HTR1D: variants seen among roughly 807,000 people sequenced by gnomAD.
HTR1D encodes 5-hydroxytryptamine receptor 1D, also known as 5-HT-1D.
In HTR1D, 18 loss-of-function variants were observed where a neutral mutation model predicts 21.1. The ratio of observed to expected loss-of-function variants is 0.85; its 90% CI spans 0.59 to 1.27. The LOEUF (loss-of-function observed/expected upper bound fraction) is 1.27. HTR1D is among the 50% of genes most tolerant of loss of function. HTR1D has a pLI of 0.00. For missense variants in HTR1D, 456 were observed against 481.4 expected (o/e 0.95, Z 0.49); for synonymous variants, 196 against 204.4 (o/e 0.96, Z 0.35).
Position 23,194,333 on chromosome 1 carries a change from C to T in HTR1D, c.-114G>A, listed in dbSNP as rs770034382. The T allele has an allele frequency of 2.2e-5, 19 of 857,010 alleles. No homozygotes were observed. Among genetic ancestry groups the T allele is most frequent in the South Asian group, 6.8e-5 (4 of 59,220 alleles). 53.1% of individuals were successfully genotyped at this position (857,010 alleles called of 1,614,324 possible). ...GCTTCACACTGGTGGGAGCCGTACA[C>T]CAGAACAGACCACAGTGAAAAGGTC... On this transcript the variant is annotated 5_prime_UTR_variant, in exon 2 of 2. It adds an upstream start codon to the 5' untranslated region. Coordinates refer to ENST00000374619, the MANE Select transcript of HTR1D (RefSeq NM_000864.5).
At chr1:23,201,605 A>G (rs1388342323) in intron 1 of HTR1D, among the ~76,000 whole-genome samples, 5 of 152,270 alleles carry the variant, frequency 3.3e-5, no homozygotes, top group Non-Finnish European at 7.4e-5. Context: ...GTTGGAGTGC[A>G]GTGGCATGAT....
intron 1 of HTR1D, among the ~76,000 whole-genome samples, chr1:23,204,912 A>T (rs949874697): frequency 1.3e-5 from 2 of 152,244 alleles, no homozygotes; most frequent in Admixed American, 1.3e-4. Flanking sequence ...CCAGAGGAAA[A>T]GAAGTCATTA....
intron 1 of HTR1D, among the ~76,000 whole-genome samples, chr1:23,214,155 A>G (rs543714404): frequency 6.6e-6 from 1 of 152,304 alleles, no homozygotes; most frequent in South Asian, 2.1e-4. Context: ...GGCTGGGTGC[A>G]ATGGCTCACG....
chr1:23,197,255 G>T (rs1234416596), intron 1 of HTR1D, among the ~76,000 whole-genome samples: 1 of 152,066 alleles, frequency 6.6e-6, no homozygotes, highest in Admixed American at 6.6e-5. Context: ...ACTTGGTTAG[G>T]AAGGCTAGGC....
At chr1:23,196,033 G>T (rs572269550) in intron 1 of HTR1D, among the ~76,000 whole-genome samples, 6 of 152,034 alleles carry the variant, frequency 3.9e-5, no homozygotes, top group African/African-American at 1.4e-4. Flanking sequence ...CAGAGGCAGG[G>T]TCTTGCTATG....
Position 23,193,263 on chromosome 1 carries a change from C to CA in HTR1D, c.956dup (p.Val320GlyfsTer20). On this transcript the variant is annotated frameshift_variant, in exon 2 of 2. Transcript: ENST00000374619. LOFTEE classifies it high-confidence loss of function. ...GGCAGATGGGGAGGACCAGAGACACCACGAAGAAGGGCAGCCAGCAGATGA... is the reference window on the plus strand; with the variant it reads ...GGCAGATGGGGAGGACCAGAGACACCAACGAAGAAGGGCAGCCAGCAGATGA... 1 of 1,614,090 alleles carries CA rather than the reference C, an allele frequency of 6.2e-7. No homozygotes were observed. Among genetic ancestry groups the CA allele is most frequent in the Non-Finnish European group, 8.5e-7 (1 of 1,180,024 alleles).
chr1:23,200,609 A>G (rs2148240085), intron 1 of HTR1D, among the ~76,000 whole-genome samples: 1 of 152,170 alleles, frequency 6.6e-6, no homozygotes. Flanking sequence ...CCTGGCCTCA[A>G]GTGATCCTTT....
At position 23,217,209 on chromosome 1, in the gene HTR1D, C is replaced by T. The variant is rs1012628640; in HGVS notation, c.-783+82G>A. 6.6e-6 allele frequency among the ~76,000 whole-genome samples: 1 copy of T among 151,856 alleles called. No individual in the cohort carries two copies. Reference sequence around the variant, plus strand: ...CGGGACGCCCCGGGCCCCCGAGGCCCCAGGAGGGGCGCCGCTCCCGGCCTC... The same window carrying T: ...CGGGACGCCCCGGGCCCCCGAGGCCTCAGGAGGGGCGCCGCTCCCGGCCTC... On this transcript the variant is annotated intron_variant, in intron 1 of 1. Coordinates refer to ENST00000374619, the MANE Select transcript of HTR1D (RefSeq NM_000864.5). The surrounding 1 kb of genome is among the most constrained non-coding windows in gnomAD (Gnocchi z 4.6).
chr1:23,197,806 G>A (rs1226012476), intron 1 of HTR1D, among the ~76,000 whole-genome samples: 1 of 152,114 alleles, frequency 6.6e-6, no homozygotes, highest in Non-Finnish European at 1.5e-5. Context: ...GGAGGCCCAG[G>A]TGGGAGGATC....
chr1:23,193,639 T>A lies in HTR1D; in HGVS notation c.581A>T (p.Gln194Leu). Residue 194 changes from glutamine to leucine, a missense_variant, in exon 2 of 2, where the codon CAG becomes CTG. Gln to Leu is a moderately radical substitution (Grantham distance 113). Coordinates refer to ENST00000374619, the MANE Select transcript of HTR1D (RefSeq NM_000864.5). ...EMSDCLVNTS[Q>L]ISYTIYSTCG... The stretch of plus-strand genomic sequence containing the variant: ...GGTGGAGTAGATGGTGTAGGAGATC[T>A]GAGAGGTGTTCACCAGACAGTCCGA... The A allele has an allele frequency of 6.2e-7, 1 of 1,613,884 alleles. No individual in the cohort carries two copies. The highest frequency in any genetic ancestry group is 8.5e-7 in the Non-Finnish European group (1 of 1,179,894).
chr1:23,212,864 T>C (rs1214506142), intron 1 of HTR1D, among the ~76,000 whole-genome samples: 6 of 151,476 alleles, frequency 4.0e-5, no homozygotes, highest in African/African-American at 1.5e-4. Flanking sequence ...TCTCACTCTG[T>C]TGTCTAGGCT....
intron 1 of HTR1D, among the ~76,000 whole-genome samples, chr1:23,214,807 C>T (rs995124531): frequency 5.3e-5 from 8 of 152,160 alleles, no homozygotes; most frequent in Admixed American, 5.2e-4. Flanking sequence ...GAGCCTAGAA[C>T]AGTGCCTGGC....
chr1:23,201,576 G>C (rs1644709257), intron 1 of HTR1D, among the ~76,000 whole-genome samples: 1 of 152,120 alleles, frequency 6.6e-6, no homozygotes, highest in South Asian at 2.1e-4. Context: ...AAGAGGCAGG[G>C]ACTTCCTCTG....
In HTR1D at chr1:23,216,330, C is replaced by T. The variant is rs986297663; in HGVS notation, c.-783+961G>A. 3.3e-4 allele frequency among the ~76,000 whole-genome samples: 50 copies of T among 152,228 alleles called. 1 individual carries two copies. Among genetic ancestry groups the T allele is most frequent in the Admixed American group, 1.2e-3 (19 of 15,284 alleles). Reference sequence around the variant, plus strand: ...GCCAGGGGCTGTGCTGAGTGACAATCCCATTAGATTTGTACAGTAAGCCTG... The same window carrying T: ...GCCAGGGGCTGTGCTGAGTGACAATTCCATTAGATTTGTACAGTAAGCCTG... On this transcript the variant is annotated intron_variant, in intron 1 of 1. Coordinates refer to ENST00000374619, the MANE Select transcript of HTR1D (RefSeq NM_000864.5).
chr1:23,209,537 C>G (rs1644745318), intron 1 of HTR1D, among the ~76,000 whole-genome samples: 1 of 152,008 alleles, frequency 6.6e-6, no homozygotes, highest in Non-Finnish European at 1.5e-5. Context: ...GAGGAGGGGT[C>G]ATAATGGCCC....
At chr1:23,216,133 T>G (rs1030582055) in intron 1 of HTR1D, among the ~76,000 whole-genome samples, 4 of 152,140 alleles carry the variant, frequency 2.6e-5, no homozygotes, top group African/African-American at 9.7e-5. Context: ...AATGTCCTTG[T>G]GAGGAGGGCT....
intron 1 of HTR1D, among the ~76,000 whole-genome samples, chr1:23,198,238 C>A (rs567393951): frequency 1.0e-4 from 15 of 150,046 alleles, no homozygotes; most frequent in African/African-American, 3.7e-4. Context: ...CAGTGGTGGG[C>A]GCCTGTAGTC....
intron 1 of HTR1D, among the ~76,000 whole-genome samples, chr1:23,202,820 G>C (rs1410786940): frequency 6.6e-6 from 1 of 152,108 alleles, no homozygotes; most frequent in African/African-American, 2.4e-5. Flanking sequence ...TACAGCCTCA[G>C]TTTTCTCCTC....
At chr1:23,198,941 C>T (rs1209413440) in intron 1 of HTR1D, among the ~76,000 whole-genome samples, 3 of 152,186 alleles carry the variant, frequency 2.0e-5, no homozygotes, top group Non-Finnish European at 2.9e-5. Flanking sequence ...CTGCAACCTC[C>T]ACCTCCCAGG....
Sources: gnomAD v4.1 joint callset for allele counts (sites outside exome capture counted in the v4.1 genomes callset) on GRCh38, gnomAD v4.1.1 for gene constraint, Gnocchi (gnomAD v3.1) non-coding constraint, MANE v1.5 for transcripts, NCBI Gene and HGNC (gene_info 2026-07-23, HGNC 2026-07-21) for gene names.